The following FAM135B variants were observed in gnomAD, a reference collection of about 807,000 sequenced individuals.
FAM135B encodes family with sequence similarity 135 member B, also known as protein FAM135B.
FAM135B carries 43 observed loss-of-function variants against 127.7 expected under a neutral mutation model. That is an observed-to-expected ratio of 0.34 (90% confidence interval 0.26 to 0.43). The LOEUF is 0.43. Among genes scored for constraint, FAM135B ranks in the 20% least tolerant of loss-of-function variants. FAM135B has a pLI of 1.00. For synonymous variants in FAM135B, 670 were observed against 665.1 expected, an observed-to-expected ratio of 1.01 and a Z score of -0.11; for missense variants, 1,558 against 1,725.6, an observed-to-expected ratio of 0.90 and a Z score of 1.72.
chr8:138,457,420 T>C (rs1022776524), intron 1 of FAM135B, among the ~76,000 whole-genome samples: 1 of 152,122 alleles, frequency 6.6e-6, no homozygotes, highest in Non-Finnish European at 1.5e-5. Context: ...TCACCCCAGA[T>C]GGTTGCTAAA....
At chr8:138,367,860 AAC>A (rs3084240) in intron 2 of FAM135B, 45 bp downstream of exon 2, 95,355 of 1,047,836 alleles carry the variant, frequency 0.091, 11 homozygotes, top group South Asian at 0.12. Context: ...AGAAACAAAC[AAC>A]ACACACACAC....
chr8:138,392,898 C>T (rs550982211), intron 1 of FAM135B, among the ~76,000 whole-genome samples: 15 of 152,192 alleles, frequency 9.9e-5, no homozygotes, highest in Middle Eastern at 3.4e-3. Flanking sequence ...ACTCCTTAAT[C>T]GGTGTTGTAT....
chr8:138,462,494 G>C (rs1157058321), intron 1 of FAM135B, among the ~76,000 whole-genome samples: 1 of 152,180 alleles, frequency 6.6e-6, no homozygotes, highest in Non-Finnish European at 1.5e-5. Context: ...GAACTCCAGA[G>C]CTGTGGGTTT....
At chr8:138,300,744 C>CTTTTTTTTTTT in intron 3 of FAM135B, among the ~76,000 whole-genome samples, 1 of 100,492 alleles carries the variant, frequency 1.0e-5, no homozygotes, top group Non-Finnish European at 2.0e-5. Context: ...ATTTTATCCA[C>CTTTTTTTTTTT]TTTTTTTTTT....
At chr8:138,360,716 T>C (rs1830366562) in intron 2 of FAM135B, among the ~76,000 whole-genome samples, 2 of 152,216 alleles carry the variant, frequency 1.3e-5, no homozygotes, top group Non-Finnish European at 2.9e-5. Flanking sequence ...GAAGATTTTT[T>C]TTACTTAGTT....
chr8:138,258,404 G>C (rs1026970025), intron 4 of FAM135B, among the ~76,000 whole-genome samples: 24 of 152,102 alleles, frequency 1.6e-4, no homozygotes, highest in Non-Finnish European at 3.4e-4. Context: ...TTAACATTTT[G>C]CTGAATCCAA....
At chr8:138,434,563 G>A (rs1405749842) in intron 1 of FAM135B, among the ~76,000 whole-genome samples, 1 of 152,140 alleles carries the variant, frequency 6.6e-6, no homozygotes, top group Non-Finnish European at 1.5e-5. Flanking sequence ...TGCTTCCAAT[G>A]ACCCTTCCCC....
At chr8:138,347,304 A>G (rs977758311) in intron 2 of FAM135B, among the ~76,000 whole-genome samples, 1 of 152,148 alleles carries the variant, frequency 6.6e-6, no homozygotes, top group Non-Finnish European at 1.5e-5. Flanking sequence ...ACTTCACAAC[A>G]CAAATCATCC....
chr8:138,201,763 T>C (rs1218662529), intron 7 of FAM135B, among the ~76,000 whole-genome samples: 2 of 152,144 alleles, frequency 1.3e-5, no homozygotes, highest in Non-Finnish European at 2.9e-5. Flanking sequence ...GATCATTACA[T>C]TGTGAATGAA....
intron 2 of FAM135B, among the ~76,000 whole-genome samples, chr8:138,314,683 C>G (rs1826935676): frequency 8.3e-5 from 1 of 11,978 alleles, no homozygotes; most frequent in South Asian, 2.0e-3. Flanking sequence ...ATATGGAGAC[C>G]CCATCCCTAC....
chr8:138,220,298 C>G (rs1237654669), intron 7 of FAM135B, among the ~76,000 whole-genome samples: 1 of 152,084 alleles, frequency 6.6e-6, no homozygotes, highest in Non-Finnish European at 1.5e-5. Context: ...GAGCCCTAGG[C>G]AAGTGTAATT....
At chr8:138,253,589 T>C (rs1176618615) in intron 5 of FAM135B, among the ~76,000 whole-genome samples, 2 of 152,170 alleles carry the variant, frequency 1.3e-5, no homozygotes, top group East Asian at 1.9e-4. Context: ...AAGTCAGAAG[T>C]GAAGCCCCGC....
At chr8:138,386,646 A>T (rs978901133) in intron 1 of FAM135B, among the ~76,000 whole-genome samples, 1 of 152,234 alleles carries the variant, frequency 6.6e-6, no homozygotes, top group African/African-American at 2.4e-5. Context: ...TAAAATGACA[A>T]TGCACAACCT....
chr8:138,430,944 G>C (rs1835159031), intron 1 of FAM135B, among the ~76,000 whole-genome samples: 1 of 152,116 alleles, frequency 6.6e-6, no homozygotes. Context: ...AATTTCCCAA[G>C]GGAATAAATA....
chr8:138,142,341 C>T lies in FAM135B; in HGVS notation c.3638+671G>A, dbSNP rs575563260. Among the ~76,000 whole-genome samples, 15 of 137,296 alleles carry T rather than the reference C, an allele frequency of 1.1e-4. 1 individual carries two copies. The South Asian group carries it at 1.6e-3, about 15-fold the overall frequency. 90.1% of individuals were successfully genotyped at this position (137,296 alleles called of 152,430 possible). On this transcript the variant is annotated intron_variant, in intron 16 of 19. Transcript: ENST00000395297. ...TTTGAGATGGAGTCTCACTCTGTCG[C>T]CCAGGCTGGAGTGCAGTGGCGCAAT...
At chr8:138,411,333 C>G (rs1444368770) in intron 1 of FAM135B, among the ~76,000 whole-genome samples, 1 of 152,050 alleles carries the variant, frequency 6.6e-6, no homozygotes, top group Admixed American at 6.6e-5. Flanking sequence ...AGAAATAATG[C>G]CACATATCTA....
At chr8:138,435,557 T>C (rs1436456221) in intron 1 of FAM135B, among the ~76,000 whole-genome samples, 1 of 152,216 alleles carries the variant, frequency 6.6e-6, no homozygotes, top group Non-Finnish European at 1.5e-5. Flanking sequence ...AATGCAATAA[T>C]ATTACTTTTA....
chr8:138,431,090 C>A (rs1587437458), intron 1 of FAM135B, among the ~76,000 whole-genome samples: 1 of 152,114 alleles, frequency 6.6e-6, no homozygotes, highest in East Asian at 1.9e-4. Flanking sequence ...CAGGTATACA[C>A]CAGAATTTAT....
Position 138,153,113 on chromosome 8 carries a change from T to C in FAM135B, c.1362A>G (p.Leu454=), listed in dbSNP as rs1055962460. 5.0e-6 allele frequency: 8 copies of C among 1,613,970 alleles called. No individual in the cohort carries two copies. The highest frequency in any genetic ancestry group is 8.5e-7 in the Non-Finnish European group (1 of 1,179,922). Residue 454 remains leucine (L), a synonymous_variant, in exon 13 of 20, where the codon TTA becomes TTG. Transcript: ENST00000395297. ...ACAAGACAAGGTCTTCCCTAAAAGATAAATTGCTATTTACCATACAGTTAT... is the reference window on the plus strand; with the variant it reads ...ACAAGACAAGGTCTTCCCTAAAAGACAAATTGCTATTTACCATACAGTTAT... ...KEDNCMVNSN[L]SFREDLVLST...
Sources: gnomAD v4.1 joint callset for allele counts (sites outside exome capture counted in the v4.1 genomes callset) on GRCh38, gnomAD v4.1.1 for gene constraint, MANE v1.5 for transcripts, NCBI Gene and HGNC (gene_info 2026-07-23, HGNC 2026-07-21) for gene names.